L3MBTL3: variants seen among roughly 807,000 people sequenced by gnomAD.
L3MBTL3 encodes the protein lethal(3)malignant brain tumor-like protein 3.
A neutral mutation model predicts 102.3 loss-of-function variants in L3MBTL3; 27 were observed. That is an observed-to-expected ratio of 0.26 (90% CI 0.19 to 0.36). The LOEUF is 0.36. Among genes scored for constraint, L3MBTL3 ranks in the 10% least tolerant of loss-of-function variants. L3MBTL3 has a pLI of 1.00. For synonymous variants in L3MBTL3, 340 were observed against 320.9 expected (o/e 1.06, Z -0.64); for missense variants, 798 against 955.3 (o/e 0.84, Z 2.17).
At chr6:130,109,171 G>C (rs1226028109) in intron 19 of L3MBTL3, among the ~76,000 whole-genome samples, 5 of 152,150 alleles carry the variant, frequency 3.3e-5, no homozygotes, top group Admixed American at 2.6e-4. Context: ...AAACATATGT[G>C]TTCATGTGTC....
At chr6:130,024,175 A>G (rs1258757210) in intron 2 of L3MBTL3, among the ~76,000 whole-genome samples, 5 of 152,162 alleles carry the variant, frequency 3.3e-5, no homozygotes, top group African/African-American at 1.2e-4. Flanking sequence ...GTAATGATTT[A>G]AACTAACTAT....
intron 16 of L3MBTL3, among the ~76,000 whole-genome samples, chr6:130,089,665 T>G (rs1457192213): frequency 1.3e-5 from 2 of 152,220 alleles, no homozygotes; most frequent in African/African-American, 4.8e-5. Context: ...ATGGTTGAAC[T>G]AGTTTACACT....
chr6:130,094,616 A>C (rs183704755), intron 18 of L3MBTL3, among the ~76,000 whole-genome samples: 1 of 152,242 alleles, frequency 6.6e-6, no homozygotes, highest in Non-Finnish European at 1.5e-5. Flanking sequence ...ACCTGACTAG[A>C]TTTACAAATA....
Position 130,133,936 on chromosome 6 carries a change from C to T in L3MBTL3, c.2199+31C>T. ...TATTCCACTAAATTGCAATATGTTA[C>T]TTAATGGGATCAAAGCACTGAAATG... is the stretch of plus-strand genomic sequence containing the variant. On this transcript the variant is annotated intron_variant, in intron 22 of 22. Coordinates refer to ENST00000361794, the MANE Select transcript of L3MBTL3 (RefSeq NM_032438.4). This position sits in a 1 kb window ranked among gnomAD's most constrained non-coding sequence, Gnocchi z 4.9. 6.6e-7 allele frequency: 1 copy of T among 1,525,456 alleles called. No individual in the cohort carries two copies. Among genetic ancestry groups the T allele is most frequent in the Non-Finnish European group, 9.1e-7 (1 of 1,100,260 alleles). The allele number at this position is 1,525,456 out of a possible 1,614,324, so 94.5% of individuals were successfully genotyped here. A position where few individuals can be genotyped will look rare whatever the true frequency, so the allele number is the denominator to read the frequency against.
chr6:130,127,455 C>T (rs1786684722), intron 20 of L3MBTL3, among the ~76,000 whole-genome samples: 1 of 152,114 alleles, frequency 6.6e-6, no homozygotes, highest in Non-Finnish European at 1.5e-5. Context: ...TGTAGCCTAA[C>T]AAAAGTCTGC....
chr6:130,091,512 T>C (rs1351727151), intron 16 of L3MBTL3, among the ~76,000 whole-genome samples: 1 of 152,118 alleles, frequency 6.6e-6, no homozygotes, highest in Non-Finnish European at 1.5e-5. Flanking sequence ...GAAGACCAAC[T>C]GCCCTTTCAC....
At chr6:130,138,884 G>A (rs1375078883) in intron 22 of L3MBTL3, among the ~76,000 whole-genome samples, 3 of 152,126 alleles carry the variant, frequency 2.0e-5, no homozygotes, top group African/African-American at 7.2e-5. Flanking sequence ...CCTAAAAGAT[G>A]TGTTGTACCT....
In L3MBTL3 at chr6:130,055,182, A is replaced by G. The variant is rs1179823809; in HGVS notation, c.594A>G (p.Gln198=). 6.2e-7 allele frequency: 1 copy of G among 1,613,740 alleles called. No homozygotes were observed. The highest frequency in any genetic ancestry group is 1.7e-5 in the Admixed American group (1 of 60,004). Residue 198 remains glutamine (Q), a synonymous_variant, in exon 8 of 23, where the codon CAA becomes CAG. Transcript: ENST00000361794. ...CTTTCTTTTTGTAGGAGAACAAACAAGATGTAAGAATCCTGAGGGGTTCGC... is the reference window on the plus strand; with the variant it reads ...CTTTCTTTTTGTAGGAGAACAAACAGGATGTAAGAATCCTGAGGGGTTCGC... ...EERDDEMENK[Q]DVRILRGSQR...
At chr6:130,121,108 T>G (rs540324504) in intron 20 of L3MBTL3, 150 bp downstream of exon 20, 43 of 592,444 alleles carry the variant, frequency 7.3e-5, no homozygotes, top group African/African-American at 6.6e-4. Flanking sequence ...GGGATACATG[T>G]GAAGGTTTGT....
intron 16 of L3MBTL3, among the ~76,000 whole-genome samples, chr6:130,089,391 T>C (rs374601030): frequency 4.6e-5 from 7 of 152,168 alleles, no homozygotes; most frequent in South Asian, 2.1e-4. Flanking sequence ...GCAGAAGACA[T>C]GAACTCATCC....
At chr6:130,059,508 A>G (rs796954876) in intron 9 of L3MBTL3, among the ~76,000 whole-genome samples, 4 of 152,294 alleles carry the variant, frequency 2.6e-5, no homozygotes, top group African/African-American at 9.6e-5. Flanking sequence ...ATCTTTTGCT[A>G]TATGCTTTAC....
intron 22 of L3MBTL3, among the ~76,000 whole-genome samples, chr6:130,135,045 C>T (rs1412304114): frequency 1.4e-5 from 2 of 147,572 alleles, no homozygotes; most frequent in African/African-American, 5.0e-5. Flanking sequence ...TTCACTGATA[C>T]TCTCAATTCA....
At chr6:130,112,804 C>T (rs1785437653) in intron 19 of L3MBTL3, among the ~76,000 whole-genome samples, 2 of 152,186 alleles carry the variant, frequency 1.3e-5, no homozygotes, top group South Asian at 4.1e-4. Context: ...AAGGGAAGTC[C>T]CAGTGCCTCT....
intron 5 of L3MBTL3, 42 bp downstream of exon 5, chr6:130,049,872 A>C (rs768362828): frequency 5.1e-6 from 8 of 1,574,054 alleles, no homozygotes; most frequent in Middle Eastern, 1.7e-4. Flanking sequence ...TTCATTTTCT[A>C]TTTCTTTCTC....
At chr6:130,100,959 TAC>T (rs1364397505) in intron 18 of L3MBTL3, among the ~76,000 whole-genome samples, 3 of 152,228 alleles carry the variant, frequency 2.0e-5, no homozygotes, top group African/African-American at 7.2e-5. Context: ...TTAATATATA[TAC>T]AGTTATTTAA....
intron 20 of L3MBTL3, 47 bp downstream of exon 20, chr6:130,121,005 T>C (rs372201040): frequency 2.0e-5 from 24 of 1,176,026 alleles, no homozygotes; most frequent in Middle Eastern, 2.1e-4. Flanking sequence ...ACTGCTAATA[T>C]GAAACAATCA....
intron 10 of L3MBTL3, among the ~76,000 whole-genome samples, chr6:130,062,631 G>A (rs1245770090): frequency 6.8e-6 from 1 of 147,700 alleles, no homozygotes; most frequent in Non-Finnish European, 1.5e-5. Context: ...CTGGGCTCAA[G>A]CAGTCCTCCC....
intron 15 of L3MBTL3, among the ~76,000 whole-genome samples, chr6:130,084,404 T>G (rs1373614985): frequency 6.6e-6 from 1 of 152,144 alleles, no homozygotes; most frequent in Non-Finnish European, 1.5e-5. Context: ...GATAAATAAT[T>G]TTCTTTAAGA....
intron 10 of L3MBTL3, among the ~76,000 whole-genome samples, chr6:130,061,248 C>G (rs533487099): frequency 8.4e-4 from 128 of 152,054 alleles, no homozygotes; most frequent in Non-Finnish European, 1.3e-3. Context: ...CCTTGCCTGG[C>G]TAGTTTTTAT....
Sources: allele counts gnomAD v4.1 joint callset (sites outside exome capture counted in the v4.1 genomes callset), GRCh38; gene constraint gnomAD v4.1.1; non-coding constraint Gnocchi (gnomAD v3.1); transcripts MANE v1.5; gene names NCBI Gene and HGNC (gene_info 2026-07-23, HGNC 2026-07-21).